DLG2: variants seen among roughly 807,000 people sequenced by gnomAD.
DLG2 encodes the protein discs large MAGUK scaffold protein 2, also known as disks large homolog 2.
Under a neutral mutation model 132.5 loss-of-function variants are expected in DLG2, and 45 were observed. The ratio of observed to expected loss-of-function variants is 0.34; its 90% confidence interval spans 0.27 to 0.44. The LOEUF (loss-of-function observed/expected upper bound fraction) is 0.44. Ranked by LOEUF, DLG2 falls within the 20% of genes least tolerant of loss-of-function variation. The pLI, the probability that DLG2 is intolerant of heterozygous loss-of-function variation, is 1.00. For synonymous variants in DLG2, 424 were observed against 419.6 expected, an observed-to-expected ratio of 1.01 and a Z score of -0.13; for missense variants, 1,045 against 1,196.9, an observed-to-expected ratio of 0.87 and a Z score of 1.87.
intron 6 of DLG2, among the ~76,000 whole-genome samples, chr11:84,614,350 C>G (rs1410052168): frequency 6.6e-6 from 1 of 152,124 alleles, no homozygotes; most frequent in African/African-American, 2.4e-5. Flanking sequence ...CATAAGCCAA[C>G]AGAAGAAACC....
intron 6 of DLG2, among the ~76,000 whole-genome samples, chr11:84,845,833 A>G (rs1487592651): frequency 6.6e-6 from 1 of 151,414 alleles, no homozygotes; most frequent in Non-Finnish European, 1.5e-5. Context: ...ATGCACACCA[A>G]CACACCCAGC....
chr11:83,649,930 G>A (rs2069573446), intron 18 of DLG2, among the ~76,000 whole-genome samples: 1 of 152,198 alleles, frequency 6.6e-6, no homozygotes, highest in Non-Finnish European at 1.5e-5. Context: ...GCTTCCTTTA[G>A]TCAGAATAGA....
rs975152493 is a variant in DLG2, at chr11:83,912,464, A to T, written c.1496+17864T>A. On this transcript the variant is annotated intron_variant, in intron 15 of 27. Transcript: ENST00000376104. ...TGAGTGTACAAAAAATGGCACCGTG[A>T]AAAGAGTGCTAGCTGATTTCAAGAG... 7.2e-5 allele frequency among the ~76,000 whole-genome samples: 11 copies of T among 152,252 alleles called. 1 individual carries two copies. In the South Asian group the frequency reaches 1.0e-3, roughly 14 times the overall value.
chr11:83,971,885 TA>T (rs2091413957), intron 12 of DLG2, among the ~76,000 whole-genome samples: 1 of 152,138 alleles, frequency 6.6e-6, no homozygotes, highest in African/African-American at 2.4e-5. Context: ...TATTAATAAA[TA>T]AAAGGCATGT....
At chr11:84,814,735 T>C (rs2076926891) in intron 6 of DLG2, among the ~76,000 whole-genome samples, 1 of 152,116 alleles carries the variant, frequency 6.6e-6, no homozygotes, top group South Asian at 2.1e-4. Flanking sequence ...ACTTCACTCA[T>C]TCATTAGGGT....
intron 10 of DLG2, among the ~76,000 whole-genome samples, chr11:84,081,174 A>G (rs953621430): frequency 6.6e-6 from 1 of 152,112 alleles, no homozygotes; most frequent in African/African-American, 2.4e-5. Context: ...TGTGGCTCTG[A>G]TGTCTGTGTT....
intron 6 of DLG2, among the ~76,000 whole-genome samples, chr11:84,727,982 G>A (rs1445281973): frequency 2.6e-5 from 4 of 152,158 alleles, no homozygotes; most frequent in Admixed American, 2.0e-4. Context: ...ATCAGCTTAA[G>A]GAGATTCTGG....
intron 3 of DLG2, among the ~76,000 whole-genome samples, chr11:85,399,511 C>G (rs1053865312): frequency 6.6e-6 from 1 of 150,932 alleles, no homozygotes; most frequent in Non-Finnish European, 1.5e-5. Flanking sequence ...GGAGGCATCA[C>G]GCTACCTGAC....
intron 3 of DLG2, among the ~76,000 whole-genome samples, chr11:85,291,869 G>A (rs1297715189): frequency 6.6e-6 from 1 of 152,124 alleles, no homozygotes; most frequent in African/African-American, 2.4e-5. Context: ...ACAGGCATAA[G>A]CCACCACGCC....
chr11:83,611,308 C>G (rs1002749945), intron 19 of DLG2, among the ~76,000 whole-genome samples: 12 of 151,848 alleles, frequency 7.9e-5, no homozygotes, highest in African/African-American at 2.9e-4. Context: ...GAGAGAGAGA[C>G]AGAGAGAGGC....
chr11:84,647,615 A>C (rs1199310860), intron 6 of DLG2, among the ~76,000 whole-genome samples: 1 of 152,202 alleles, frequency 6.6e-6, no homozygotes, highest in Admixed American at 6.5e-5. Flanking sequence ...ACCTATAGAT[A>C]GTCAGGTAGC....
At chr11:84,098,793 G>A (rs1483738925) in intron 10 of DLG2, 130 bp downstream of exon 10, 1 of 1,068,632 alleles carries the variant, frequency 9.4e-7, no homozygotes. Flanking sequence ...AGTCATTTCA[G>A]GAAGCTTGCC....
intron 6 of DLG2, among the ~76,000 whole-genome samples, chr11:84,705,937 G>C (rs2059735258): frequency 6.6e-6 from 1 of 151,750 alleles, no homozygotes. Context: ...TATAGCAGTA[G>C]CTAGGTGTTC....
chr11:83,934,860 T>C (rs534326583), intron 14 of DLG2, among the ~76,000 whole-genome samples: 19 of 152,204 alleles, frequency 1.2e-4, no homozygotes, highest in Non-Finnish European at 2.1e-4. Flanking sequence ...AGTACTGTCA[T>C]AGAAAATGAA....
rs568317045 is a variant in DLG2, at chr11:84,016,003, T to C, written c.920-35361A>G. 2.6e-5 allele frequency among the ~76,000 whole-genome samples: 4 copies of C among 152,314 alleles called. No individual in the cohort carries two copies. The East Asian group carries it at 7.7e-4, about 29-fold the overall frequency. ...AACTAATTTACACTCCCACCAACAGTGTAAAAGCATTCCTTTTTCTCCACA... is the reference window on the plus strand; with the variant it reads ...AACTAATTTACACTCCCACCAACAGCGTAAAAGCATTCCTTTTTCTCCACA... On this transcript the variant is annotated intron_variant, in intron 11 of 27. Coordinates refer to ENST00000376104, the MANE Select transcript of DLG2 (RefSeq NM_001142699.3).
chr11:83,869,244 G>T (rs967429743), intron 16 of DLG2, among the ~76,000 whole-genome samples: 1 of 151,900 alleles, frequency 6.6e-6, no homozygotes, highest in Non-Finnish European at 1.5e-5. Flanking sequence ...GTACTTAGAG[G>T]AAAAAAAGAC....
At chr11:84,943,831 A>ATTACTTACTGT (rs2049816580) in intron 6 of DLG2, among the ~76,000 whole-genome samples, 2 of 152,204 alleles carry the variant, frequency 1.3e-5, no homozygotes, top group South Asian at 4.1e-4. Flanking sequence ...TACTATTACC[A>ATTACTTACTGT]GTGAGTTTTG....
At chr11:84,592,533 C>G (rs1412255610) in intron 6 of DLG2, among the ~76,000 whole-genome samples, 1 of 152,004 alleles carries the variant, frequency 6.6e-6, no homozygotes, top group African/African-American at 2.4e-5. Flanking sequence ...AACAGGCAAA[C>G]TACAGAATGG....
chr11:83,770,850 G>T (rs185792869), intron 18 of DLG2, among the ~76,000 whole-genome samples: 6 of 151,920 alleles, frequency 3.9e-5, no homozygotes, highest in Non-Finnish European at 8.8e-5. Flanking sequence ...ATCACAAAAC[G>T]AACAAATAAG....
Sources: gnomAD v4.1 joint callset for allele counts (sites outside exome capture counted in the v4.1 genomes callset) on GRCh38, gnomAD v4.1.1 for gene constraint, MANE v1.5 for transcripts, NCBI Gene and HGNC (gene_info 2026-07-23, HGNC 2026-07-21) for gene names.